The following PPFIBP1 variants were observed in gnomAD, a reference collection of about 807,000 sequenced individuals.
The protein encoded by PPFIBP1 is PPFIB scaffold protein 1, also known as liprin-beta-1.
A neutral mutation model predicts 137.8 loss-of-function variants in PPFIBP1; 112 were observed. The ratio of observed to expected loss-of-function variants is 0.81; its 90% CI spans 0.70 to 0.95. PPFIBP1 has a LOEUF of 0.95. Ranked by LOEUF, PPFIBP1 falls within the 40% of genes least tolerant of loss-of-function variation. The pLI is 0.00. For synonymous variants in PPFIBP1, 378 were observed against 417.3 expected, an observed-to-expected ratio of 0.91 and a Z score of 1.15; for missense variants, 1,083 against 1,196.6, an observed-to-expected ratio of 0.91 and a Z score of 1.40.
chr12:27,687,794 C>CT lies in PPFIBP1; in HGVS notation c.2370+291dup, dbSNP rs535417893. Among the ~76,000 whole-genome samples, 142 of 152,202 alleles carry CT rather than the reference C, an allele frequency of 9.3e-4. 2 individuals are homozygous for CT. Among genetic ancestry groups the CT allele is most frequent in the African/African-American group, 3.3e-3 (139 of 41,532 alleles). ...AGATAAATATCACTATAAAGACTTC[C>CT]TTTTCTGGCCAAGTATAGTGGCCAA... On this transcript the variant is annotated intron_variant, in intron 25 of 29. Transcript: ENST00000228425.
chr12:27,614,870 C>T (rs983364023), intron 2 of PPFIBP1, among the ~76,000 whole-genome samples: 3 of 152,136 alleles, frequency 2.0e-5, no homozygotes, highest in African/African-American at 7.2e-5. Flanking sequence ...TTCAAAATGA[C>T]AATTGCTATT....
rs1179942743 is a variant in PPFIBP1, at chr12:27,682,630, T to A, written c.2174T>A (p.Ile725Asn). The A allele has an allele frequency of 3.1e-6, 5 of 1,614,174 alleles. No individual in the cohort carries two copies. Among genetic ancestry groups the A allele is most frequent in the Non-Finnish European group, 4.2e-6 (5 of 1,180,026 alleles). ...FNWVTRWLDD[I>N]GLPQYKTQFD... ...TCTCTTTTAGGATGGTTGGATGACA[T>A]TGGCCTCCCTCAATATAAGACCCAG... Residue 725 changes from isoleucine (I) to asparagine (N), a missense_variant, in exon 24 of 30, where the codon ATT becomes AAT. By Grantham distance (149) the Ile-to-Asn change is moderately radical. Coordinates refer to ENST00000228425, the MANE Select transcript of PPFIBP1 (RefSeq NM_003622.4).
intron 13 of PPFIBP1, among the ~76,000 whole-genome samples, chr12:27,670,815 T>TAATAATAATAATAAC (rs1484216924): frequency 6.7e-6 from 1 of 149,224 alleles, no homozygotes; most frequent in Non-Finnish European, 1.5e-5. Context: ...ATAATAATAA[T>TAATAATAATAATAAC]AGAGTGTTGA....
chr12:27,589,644 A>G (rs2052234265), intron 2 of PPFIBP1, among the ~76,000 whole-genome samples: 1 of 152,250 alleles, frequency 6.6e-6, no homozygotes, highest in Admixed American at 6.5e-5. Context: ...TGAAACACTG[A>G]TGAATAAACA....
intron 1 of PPFIBP1, among the ~76,000 whole-genome samples, chr12:27,564,414 T>C (rs1350967902): frequency 1.3e-5 from 2 of 152,186 alleles, no homozygotes; most frequent in South Asian, 4.1e-4. Context: ...AAAATAAAAT[T>C]CTCTGAGCCC....
chr12:27,601,783 C>T (rs1456452896), intron 2 of PPFIBP1, among the ~76,000 whole-genome samples: 2 of 152,196 alleles, frequency 1.3e-5, no homozygotes, highest in Non-Finnish European at 2.9e-5. Flanking sequence ...CGGCCATGAA[C>T]ACAACTTACA....
intron 17 of PPFIBP1, among the ~76,000 whole-genome samples, 169 bp downstream of exon 17, chr12:27,674,390 A>G (rs1388367815): frequency 6.6e-6 from 1 of 151,292 alleles, no homozygotes; most frequent in African/African-American, 2.4e-5. Context: ...TGAAACATCC[A>G]GAACAGATAA....
In PPFIBP1 at chr12:27,674,217, C is replaced by G; in HGVS notation, c.1406C>G (p.Ser469Ter). 1 of 1,592,540 alleles carries G rather than the reference C, an allele frequency of 6.3e-7. No individual in the cohort carries two copies. Among genetic ancestry groups the G allele is most frequent in the Non-Finnish European group, 8.6e-7 (1 of 1,168,718 alleles). ...DGEKETIQKT[S>*]EDRAPAESRP... is the part of the protein sequence containing the mutation. ...GAAAAGGAAACTATTCAGAAGACTT[C>G]AGAGGTAACTTTTTGTCCAAATTAC... The change falls in exon 17 of 30, where the codon TCA becomes TGA. Residue 469 changes from serine (S) to a stop codon, truncating the protein, a stop_gained. Coordinates refer to ENST00000228425, the MANE Select transcript of PPFIBP1 (RefSeq NM_003622.4). LOFTEE classifies it high-confidence loss of function.
At position 27,676,433 on chromosome 12, in the gene PPFIBP1, A is replaced by G; in HGVS notation, c.1416A>G (p.Arg472=). 6.5e-7 allele frequency: 1 copy of G among 1,531,710 alleles called. No individual in the cohort carries two copies. Among genetic ancestry groups the G allele is most frequent in the Non-Finnish European group, 8.8e-7 (1 of 1,139,588 alleles). The allele number at this position is 1,531,710 out of a possible 1,614,324, so 94.9% of individuals were successfully genotyped here. A position where few individuals can be genotyped will look rare whatever the true frequency, so the allele number is the denominator to read the frequency against. ...TATTCTTATTTGCCTCTCAGGACAGAGCTCCGGCAGAAAGCAGGCCATTTG... is the reference window on the plus strand; with the variant it reads ...TATTCTTATTTGCCTCTCAGGACAGGGCTCCGGCAGAAAGCAGGCCATTTG... ...KETIQKTSED[R]APAESRPFGT... Residue 472 remains arginine (R), a synonymous_variant, in exon 18 of 30, where the codon AGA becomes AGG. Transcript: ENST00000228425.
chr12:27,588,414 A>G (rs2052052612), intron 2 of PPFIBP1, among the ~76,000 whole-genome samples: 1 of 152,238 alleles, frequency 6.6e-6, no homozygotes, highest in African/African-American at 2.4e-5. Context: ...AAGTCATTTT[A>G]CTGAAGAAAA....
rs186217809 is a variant in PPFIBP1 at position 27,539,334 on chromosome 12, T to C, written c.-124+14969T>C. Among the ~76,000 whole-genome samples, 15 of 152,348 alleles carry C rather than the reference T, an allele frequency of 9.8e-5. No homozygotes were observed. In the East Asian group the frequency reaches 2.5e-3, roughly 25 times the overall value. ...AGATTGTTTATGTTACACTGTGTAC[T>C]ACCATGAGCTGGCGTGGGTTTATCA... On this transcript the variant is annotated intron_variant, in intron 1 of 29. Transcript: ENST00000228425.
chr12:27,602,953 A>G (rs1190512430), intron 2 of PPFIBP1, among the ~76,000 whole-genome samples: 1 of 152,136 alleles, frequency 6.6e-6, no homozygotes, highest in East Asian at 1.9e-4. Context: ...TGGCCAGGCT[A>G]TTGCATGATG....
At chr12:27,682,293 TA>T in intron 22 of PPFIBP1, 93 bp from the exon 23 acceptor site, 1 of 875,918 alleles carries the variant, frequency 1.1e-6, no homozygotes. Context: ...ATTGGGTCTT[TA>T]ATGCTAGCTT....
At chr12:27,571,623 C>G (rs557493087) in intron 1 of PPFIBP1, among the ~76,000 whole-genome samples, 1 of 152,148 alleles carries the variant, frequency 6.6e-6, no homozygotes, top group African/African-American at 2.4e-5. Context: ...ATGAGCCAAC[C>G]CACTTTTCAG....
In PPFIBP1 at chr12:27,676,578, A is replaced by T; in HGVS notation, c.1561A>T (p.Thr521Ser). 1 of 1,591,556 alleles carries T rather than the reference A, an allele frequency of 6.3e-7. No individual in the cohort carries two copies. Among genetic ancestry groups the T allele is most frequent in the East Asian group, 2.3e-5 (1 of 44,412 alleles). ...GFFKIKSNKR[T>S]ASAPNLDRKR... is the part of the protein sequence containing the mutation. ...TTTTAAAATCAAAAGTAACAAGAGA[A>T]CAGCAAGTGCACCAAACTTAGGTAC... The change falls in exon 18 of 30, where the codon ACA becomes TCA. Residue 521 changes from threonine (T) to serine (S), a missense_variant. Physicochemically the swap from Thr to Ser is moderately conservative, Grantham distance 58. Coordinates refer to ENST00000228425, the MANE Select transcript of PPFIBP1 (RefSeq NM_003622.4).
intron 11 of PPFIBP1, among the ~76,000 whole-genome samples, chr12:27,661,823 C>T (rs922181565): frequency 1.3e-5 from 2 of 152,072 alleles, no homozygotes; most frequent in African/African-American, 2.4e-5. Flanking sequence ...ATTTTTGCCT[C>T]GCATTCTCTT....
intron 11 of PPFIBP1, 115 bp downstream of exon 11, chr12:27,661,060 G>C: frequency 6.9e-7 from 1 of 1,440,332 alleles, no homozygotes; most frequent in Non-Finnish European, 9.3e-7. Flanking sequence ...ACACTGCTAG[G>C]AGTGAGGGGC....
rs2060257725 is a variant in PPFIBP1 at position 27,672,406 on chromosome 12, CT to C, written c.1263-17del. 1 of 1,587,588 alleles carries C rather than the reference CT, an allele frequency of 6.3e-7. No individual in the cohort carries two copies. Among genetic ancestry groups the C allele is most frequent in the African/African-American group, 1.3e-5 (1 of 74,368 alleles). ...TTTTATTCGTGAAGTTAATAAATAC[CT>C]TTTGTTCTTTACATTTTAGTGATGG... is the stretch of plus-strand genomic sequence containing the variant. On this transcript the variant is annotated intron_variant, in intron 14 of 29. Transcript: ENST00000228425.
In PPFIBP1 at chr12:27,689,208, G is replaced by A. The variant is rs370123948; in HGVS notation, c.2685+5G>A. 5.0e-5 allele frequency: 78 copies of A among 1,553,404 alleles called. No homozygotes were observed. The highest frequency in any genetic ancestry group is 6.5e-5 in the Non-Finnish European group (75 of 1,157,444). On this transcript the variant is annotated splice_donor_5th_base_variant and intron_variant, in intron 27 of 29. Transcript: ENST00000228425. ...ACAGCTACTGCCAAAGTGAAGGTTG[G>A]TTCAGGCTCATACGGTTTAATAATT...
Sources: allele counts gnomAD v4.1 joint callset (sites outside exome capture counted in the v4.1 genomes callset), GRCh38; gene constraint gnomAD v4.1.1; transcripts MANE v1.5; gene names NCBI Gene and HGNC (gene_info 2026-07-23, HGNC 2026-07-21).